IGSF3: variants seen among roughly 807,000 people sequenced by gnomAD.
IGSF3 encodes immunoglobulin superfamily member 3.
IGSF3 carries 23 observed loss-of-function variants against 114.4 expected under a neutral mutation model. The observed-to-expected ratio is 0.20, with a 90% CI of 0.14 to 0.28. IGSF3 has a LOEUF of 0.28. Among genes scored for constraint, IGSF3 ranks in the 10% least tolerant of loss-of-function variants. IGSF3 has a pLI of 1.00. For missense variants in IGSF3, 1,172 were observed against 1,591.5 expected (o/e 0.74, Z 4.48); for synonymous variants, 571 against 645.2 (o/e 0.88, Z 1.74).
chr1:116,576,702 G>A lies in IGSF3; in HGVS notation c.*610C>T, dbSNP rs1043269666. Reference sequence around the variant, plus strand: ...AGTGCTTTCGTCTTGACTACAAAGTGGTTCCAATAACTCCAGCTGAGGGAA... The same window carrying A: ...AGTGCTTTCGTCTTGACTACAAAGTAGTTCCAATAACTCCAGCTGAGGGAA... On this transcript the variant is annotated 3_prime_UTR_variant, in exon 11 of 11. Coordinates refer to ENST00000369486, the MANE Select transcript of IGSF3 (RefSeq NM_001007237.3). This position sits in a 1 kb window ranked among gnomAD's most constrained non-coding sequence, Gnocchi z 4.6. 1.3e-5 allele frequency: 2 copies of A among 152,968 alleles called. No homozygotes were observed. Among genetic ancestry groups the A allele is most frequent in the Non-Finnish European group, 2.9e-5 (2 of 68,356 alleles). The allele number at this position is 152,968 out of a possible 1,614,324, so 9.5% of individuals were successfully genotyped here. A position where few individuals can be genotyped will look rare whatever the true frequency, so the allele number is the denominator to read the frequency against.
At chr1:116,599,891 CGTCTGCTCAGGCAGCATGGGCACAT>C (rs1660498022) in intron 7 of IGSF3, 25 bp downstream of exon 7, 1 of 1,546,122 alleles carries the variant, frequency 6.5e-7, no homozygotes, top group African/African-American at 1.4e-5. Context: ...TTTTCCCTCA[CGTCTGCTCAGGCAGCATGGGCACAT>C]AGCCCACAGG....
At position 116,589,176 on chromosome 1, in the gene IGSF3, G is replaced by C. The variant is rs1333925812; in HGVS notation, c.2030-72C>G. ...CGTGGCCCATCCACCTCCAGGCTCT[G>C]AGCCAGGTTTCCTCCAGCACAGTTC... On this transcript the variant is annotated intron_variant, in intron 7 of 10. Coordinates refer to ENST00000369486, the MANE Select transcript of IGSF3 (RefSeq NM_001007237.3). The surrounding 1 kb of genome is among the most constrained non-coding windows in gnomAD (Gnocchi z 5.7). 5 of 1,442,956 alleles carry C rather than the reference G, an allele frequency of 3.5e-6. No homozygotes were observed. Among genetic ancestry groups the C allele is most frequent in the East Asian group, 4.6e-5 (2 of 43,932 alleles). The allele number at this position is 1,442,956 out of a possible 1,614,324, so 89.4% of individuals were successfully genotyped here. A position where few individuals can be genotyped will look rare whatever the true frequency, so the allele number is the denominator to read the frequency against.
At position 116,576,997 on chromosome 1, in the gene IGSF3, A is replaced by C; in HGVS notation, c.*315T>G. 1 of 296,726 alleles carries C rather than the reference A, an allele frequency of 3.4e-6. No homozygotes were observed. Among genetic ancestry groups the C allele is most frequent in the Non-Finnish European group, 6.4e-6 (1 of 157,080 alleles). 18.4% of individuals were successfully genotyped at this position (296,726 alleles called of 1,614,324 possible). A position where few individuals can be genotyped will look rare whatever the true frequency, so the allele number is the denominator to read the frequency against. Reference sequence around the variant, plus strand: ...ATTACAAAGAATAAGAAGCCCTGTAACATCTATCTGAGAATACTAGATAAA... The same window carrying C: ...ATTACAAAGAATAAGAAGCCCTGTACCATCTATCTGAGAATACTAGATAAA... On this transcript the variant is annotated 3_prime_UTR_variant, in exon 11 of 11. Transcript: ENST00000369486. This position sits in a 1 kb window ranked among gnomAD's most constrained non-coding sequence, Gnocchi z 4.6.
intron 2 of IGSF3, among the ~76,000 whole-genome samples, chr1:116,641,799 T>C (rs964919523): frequency 1.3e-5 from 2 of 151,814 alleles, no homozygotes; most frequent in African/African-American, 4.8e-5. Flanking sequence ...TTCGTGTGTC[T>C]GATGATCCTT....
rs2101092234 is a variant in IGSF3 at position 116,664,202 on chromosome 1, C to A, written c.43+2082G>T. On this transcript the variant is annotated intron_variant, in intron 2 of 10. Transcript: ENST00000369486. The surrounding 1 kb of genome is among the most constrained non-coding windows in gnomAD (Gnocchi z 4.6). ...CCTACAGTTCCAAACCTTCCCACTT[C>A]AGCCTGCATCTGGATGTCTGCCACT... 6.6e-6 allele frequency among the ~76,000 whole-genome samples: 1 copy of A among 152,338 alleles called. No individual in the cohort carries two copies. Among genetic ancestry groups the A allele is most frequent in the East Asian group, 1.9e-4 (1 of 5,188 alleles).
chr1:116,625,144 G>A lies in IGSF3; in HGVS notation c.44-8687C>T, dbSNP rs1314159480. ...ATGGCTTCAATCAACATTTTTTTCA[G>A]TACCTATTATGATGGATACTAGGAC... On this transcript the variant is annotated intron_variant, in intron 2 of 10. Transcript: ENST00000369486. The surrounding 1 kb of genome is among the most constrained non-coding windows in gnomAD (Gnocchi z 4.7). Among the ~76,000 whole-genome samples, 1 of 152,206 alleles carries A rather than the reference G, an allele frequency of 6.6e-6. No homozygotes were observed. Among genetic ancestry groups the A allele is most frequent in the Admixed American group, 6.5e-5 (1 of 15,276 alleles).
Position 116,614,063 on chromosome 1 carries a change from G to T in IGSF3, c.534C>A (p.His178Gln). ...EVASETIQHS[H>Q]LSVAWLRQKV... ...TCTGCCGGAGCCAGGCCACAGACAG[G>T]TGGCTGTGCTGAATGGTCTCTGAGG... The change falls in exon 4 of 11, where the codon CAC becomes CAA. Residue 178 changes from histidine (H) to glutamine (Q), a missense_variant. This residue lies in a region of IGSF3 where 736 missense variants were observed against 1,042.0 expected (regional missense o/e 0.71). Coordinates refer to ENST00000369486, the MANE Select transcript of IGSF3 (RefSeq NM_001007237.3). The surrounding 1 kb of genome is among the most constrained non-coding windows in gnomAD (Gnocchi z 4.5). The T allele has an allele frequency of 6.2e-7, 1 of 1,614,182 alleles. No homozygotes were observed. Among genetic ancestry groups the T allele is most frequent in the Non-Finnish European group, 8.5e-7 (1 of 1,180,048 alleles).
intron 2 of IGSF3, among the ~76,000 whole-genome samples, chr1:116,621,589 A>T (rs547827205): frequency 1.3e-5 from 2 of 152,260 alleles, no homozygotes; most frequent in South Asian, 4.1e-4. Context: ...TGTTCCTTTA[A>T]GCCTTAAGTT....
At chr1:116,666,234 G>A (rs1443413506) in intron 2 of IGSF3, 50 bp downstream of exon 2, 3 of 1,533,260 alleles carry the variant, frequency 2.0e-6, no homozygotes, top group Non-Finnish European at 2.7e-6. Context: ...CAGGAACCAA[G>A]AGCAGGTTAA....
chr1:116,580,889 G>A (rs1659576512), intron 9 of IGSF3, among the ~76,000 whole-genome samples: 1 of 152,236 alleles, frequency 6.6e-6, no homozygotes, highest in African/African-American at 2.4e-5. Context: ...GCAAAGGCCA[G>A]GAAGCATTCT....
rs1432837641 is a variant in IGSF3, at chr1:116,612,509, C to T, written c.832+1256G>A. On this transcript the variant is annotated intron_variant, in intron 4 of 10. Transcript: ENST00000369486. This position sits in a 1 kb window ranked among gnomAD's most constrained non-coding sequence, Gnocchi z 4.1. The stretch of plus-strand genomic sequence containing the variant: ...AGCCTCCAATTGAAGACTTCTGGGA[C>T]GAAGCCCCAAAATGTATACTGTTAG... Among the ~76,000 whole-genome samples the T allele has an allele frequency of 2.0e-5, 3 of 152,126 alleles. No homozygotes were observed. The highest frequency in any genetic ancestry group is 2.9e-5 in the Non-Finnish European group (2 of 68,034).
chr1:116,581,207 A>T (rs1433092038), intron 9 of IGSF3, among the ~76,000 whole-genome samples: 1 of 152,068 alleles, frequency 6.6e-6, no homozygotes, highest in East Asian at 1.9e-4. Flanking sequence ...AGGAGGATGT[A>T]CGCAAAGTGT....
chr1:116,660,744 G>A (rs1024868700), intron 2 of IGSF3, among the ~76,000 whole-genome samples: 3 of 152,006 alleles, frequency 2.0e-5, no homozygotes, highest in East Asian at 1.9e-4. Context: ...ACCCGGCCAC[G>A]TATGCATTTT....
chr1:116,661,184 T>G lies in IGSF3; in HGVS notation c.43+5100A>C, dbSNP rs1649098412. Among the ~76,000 whole-genome samples, 1 of 152,048 alleles carries G rather than the reference T, an allele frequency of 6.6e-6. No individual in the cohort carries two copies. Among genetic ancestry groups the G allele is most frequent in the African/African-American group, 2.4e-5 (1 of 41,394 alleles). ...GGTGTGTGCCTGTAATCCCAGCTAC[T>G]CGGGAGGCTGAGGCAGGAGAATCGC... On this transcript the variant is annotated intron_variant, in intron 2 of 10. Coordinates refer to ENST00000369486, the MANE Select transcript of IGSF3 (RefSeq NM_001007237.3). This position sits in a 1 kb window ranked among gnomAD's most constrained non-coding sequence, Gnocchi z 4.0.
chr1:116,664,767 TAACTA>T lies in IGSF3; in HGVS notation c.43+1512_43+1516del, dbSNP rs1317137580. On this transcript the variant is annotated intron_variant, in intron 2 of 10. Transcript: ENST00000369486. The surrounding 1 kb of genome is among the most constrained non-coding windows in gnomAD (Gnocchi z 4.6). ...CCCAGCCCACAGCTGAACAGAAGAC[TAACTA>T]AACTACCAGCAGGGTGTCTGCATGC... Among the ~76,000 whole-genome samples, 1 of 152,194 alleles carries T rather than the reference TAACTA, an allele frequency of 6.6e-6. No homozygotes were observed. The highest frequency in any genetic ancestry group is 1.5e-5 in the Non-Finnish European group (1 of 68,036).
chr1:116,666,214 CG>C lies in IGSF3; in HGVS notation c.43+69del, dbSNP rs1649325274. 1.6e-5 allele frequency: 23 copies of C among 1,423,284 alleles called. No individual in the cohort carries two copies. In the South Asian group the frequency reaches 2.5e-4, roughly 16 times the overall value. 88.2% of individuals were successfully genotyped at this position (1,423,284 alleles called of 1,614,324 possible). A position where few individuals can be genotyped will look rare whatever the true frequency, so the allele number is the denominator to read the frequency against. On this transcript the variant is annotated intron_variant, in intron 2 of 10. Coordinates refer to ENST00000369486, the MANE Select transcript of IGSF3 (RefSeq NM_001007237.3). ...TCCTAGTGTTGATGAAAAAGAACCACGAGAAATTACAGGAACCAAGAGCAGG... is the reference window on the plus strand; with the variant it reads ...TCCTAGTGTTGATGAAAAAGAACCACAGAAATTACAGGAACCAAGAGCAGG...
At chr1:116,599,072 G>A (rs537663947) in intron 7 of IGSF3, among the ~76,000 whole-genome samples, 16 of 152,280 alleles carry the variant, frequency 1.1e-4, no homozygotes, top group African/African-American at 3.6e-4. Context: ...GACAACCGGG[G>A]TTCAAATCCT....
intron 2 of IGSF3, among the ~76,000 whole-genome samples, chr1:116,631,257 G>C (rs1165872077): frequency 6.8e-6 from 1 of 147,610 alleles, no homozygotes. Context: ...GGCGGAGCTT[G>C]CAGTGAGCCG....
At position 116,628,927 on chromosome 1, in the gene IGSF3, A is replaced by T. The variant is rs1647428362; in HGVS notation, c.44-12470T>A. ...AGGCACAGATAAGCCAGCATCACAG[A>T]TGCAAAAATAACAGAACTGTGGAAG... is the stretch of plus-strand genomic sequence containing the variant. On this transcript the variant is annotated intron_variant, in intron 2 of 10. Transcript: ENST00000369486. The surrounding 1 kb of genome is among the most constrained non-coding windows in gnomAD (Gnocchi z 4.2). Among the ~76,000 whole-genome samples the T allele has an allele frequency of 6.6e-6, 1 of 152,232 alleles. No homozygotes were observed. The highest frequency in any genetic ancestry group is 1.5e-5 in the Non-Finnish European group (1 of 68,038).
Sources: gnomAD v4.1 joint callset for allele counts (sites outside exome capture counted in the v4.1 genomes callset) on GRCh38, gnomAD v4.1.1 for gene constraint, gnomAD v4.1.1 regional missense constraint, Gnocchi (gnomAD v3.1) non-coding constraint, MANE v1.5 for transcripts, NCBI Gene and HGNC (gene_info 2026-07-23, HGNC 2026-07-21) for gene names.